RDX: variants seen among roughly 807,000 people sequenced by gnomAD.
RDX encodes the protein deafness, autosomal recessive 24.
RDX carries 32 observed loss-of-function variants against 83.7 expected under a neutral mutation model. The ratio of observed to expected loss-of-function variants is 0.38; its 90% confidence interval spans 0.29 to 0.51. The LOEUF is 0.51. Among genes scored for constraint, RDX ranks in the 20% least tolerant of loss-of-function variants. The pLI is 0.87. For synonymous variants in RDX, 229 were observed against 222.7 expected, an observed-to-expected ratio of 1.03 and a Z score of -0.25; for missense variants, 600 against 689.9, an observed-to-expected ratio of 0.87 and a Z score of 1.46.
At chr11:110,202,879 A>T (rs1363623631) in intron 14 of RDX, among the ~76,000 whole-genome samples, 3 of 152,172 alleles carry the variant, frequency 2.0e-5, no homozygotes, top group African/African-American at 7.2e-5. Flanking sequence ...TAAGACAGGT[A>T]ATAACAAATG....
At chr11:110,221,271 C>G (rs942077041) in intron 14 of RDX, among the ~76,000 whole-genome samples, 1 of 152,122 alleles carries the variant, frequency 6.6e-6, no homozygotes, top group African/African-American at 2.4e-5. Context: ...TGTACCCCCC[C>G]CAAAATACTT....
At chr11:110,181,231 C>T (rs1364795715) in intron 15 of RDX, among the ~76,000 whole-genome samples, 1 of 150,580 alleles carries the variant, frequency 6.6e-6, no homozygotes, top group East Asian at 2.0e-4. Flanking sequence ...GGAGCGAACT[C>T]GACTCACTAC....
At chr11:110,237,752 T>C in intron 10 of RDX, 100 bp from the exon 11 acceptor site, 1 of 1,335,570 alleles carries the variant, frequency 7.5e-7, no homozygotes, top group South Asian at 1.2e-5. Context: ...CTGTTCAATT[T>C]CTAAAAGTTA....
chr11:110,219,524 G>A (rs1425896709), intron 14 of RDX, among the ~76,000 whole-genome samples: 1 of 152,146 alleles, frequency 6.6e-6, no homozygotes, highest in East Asian at 1.9e-4. Flanking sequence ...AATCATCCAG[G>A]CAATCCTGTG....
chr11:110,214,962 G>A (rs1355170547), intron 14 of RDX, among the ~76,000 whole-genome samples: 1 of 142,946 alleles, frequency 7.0e-6, no homozygotes, highest in East Asian at 2.0e-4. Context: ...TGCACAATGT[G>A]CACTTGTACC....
At chr11:110,265,343 C>T (rs1486670509) in intron 3 of RDX, among the ~76,000 whole-genome samples, 1 of 151,880 alleles carries the variant, frequency 6.6e-6, no homozygotes, top group African/African-American at 2.4e-5. Flanking sequence ...CTGCCTGCCT[C>T]GGCCTTCCAA....
intron 1 of RDX, among the ~76,000 whole-genome samples, chr11:110,283,485 G>A (rs1485294810): frequency 1.3e-5 from 2 of 152,030 alleles, no homozygotes; most frequent in African/African-American, 2.4e-5. Context: ...GAAAAAAACA[G>A]AATTATTCTA....
At chr11:110,277,729 T>A (rs562969760) in intron 2 of RDX, among the ~76,000 whole-genome samples, 1 of 152,174 alleles carries the variant, frequency 6.6e-6, no homozygotes, top group Non-Finnish European at 1.5e-5. Flanking sequence ...AAGAACTTTA[T>A]ATGGCAATTA....
intron 15 of RDX, among the ~76,000 whole-genome samples, chr11:110,192,544 A>G (rs1863123060): frequency 6.6e-6 from 1 of 152,262 alleles, no homozygotes; most frequent in Non-Finnish European, 1.5e-5. Flanking sequence ...GAGCTTCTGC[A>G]CAGCAAGAGA....
chr11:110,198,976 T>C lies in RDX; in HGVS notation c.*31+605A>G, dbSNP rs184111325. On this transcript the variant is annotated intron_variant, in intron 15 of 15. Coordinates refer to the RDX transcript ENST00000528498. ...GACTACAGGCATGCACCACCACTCC[T>C]AATTTTTTTTGTATTTTTAGTAGAG... Among the ~76,000 whole-genome samples the C allele has an allele frequency of 3.5e-3, 530 of 152,158 alleles. 5 individuals are homozygous for C. Among genetic ancestry groups the C allele is most frequent in the African/African-American group, 0.012 (516 of 41,524 alleles).
At chr11:110,218,816 A>C (rs918735517) in intron 14 of RDX, among the ~76,000 whole-genome samples, 8 of 152,284 alleles carry the variant, frequency 5.3e-5, no homozygotes, top group Non-Finnish European at 1.2e-4. Flanking sequence ...CTCCCACAGG[A>C]AGCCTTCCCT....
chr11:110,178,474 A>G (rs12272356), intron 15 of RDX, among the ~76,000 whole-genome samples: 152 of 152,312 alleles, frequency 1.0e-3, no homozygotes, highest in Middle Eastern at 3.4e-3. Context: ...TGGCTATTAC[A>G]TCAGTTGGCT....
In RDX at chr11:110,229,996, C is replaced by G. The variant is rs1021970715; in HGVS notation, c.*1873G>C. On this transcript the variant is annotated 3_prime_UTR_variant, in exon 14 of 14. Transcript: ENST00000645495. ...TAGGATTCTGAAGCATGTGCACAAC[C>G]ATGGTACAACAGTCACTTCAAGGTT... 6.6e-6 allele frequency: 1 copy of G among 152,470 alleles called. No individual in the cohort carries two copies. Among genetic ancestry groups the G allele is most frequent in the Non-Finnish European group, 1.5e-5 (1 of 67,956 alleles). The allele number at this position is 152,470 out of a possible 1,614,324, so 9.4% of individuals were successfully genotyped here.
At chr11:110,267,712 C>G (rs565294565) in intron 3 of RDX, among the ~76,000 whole-genome samples, 1 of 151,852 alleles carries the variant, frequency 6.6e-6, no homozygotes, top group South Asian at 2.1e-4. Context: ...ATCTGTGATC[C>G]CAACACTTTA....
chr11:110,290,370 G>C (rs1183575420), intron 1 of RDX, among the ~76,000 whole-genome samples: 3 of 152,010 alleles, frequency 2.0e-5, no homozygotes, highest in African/African-American at 7.2e-5. Context: ...AAAAAAGCCG[G>C]GAGTGGTGGC....
At chr11:110,235,797 T>C (rs559983575) in intron 12 of RDX, among the ~76,000 whole-genome samples, 1 of 152,318 alleles carries the variant, frequency 6.6e-6, no homozygotes, top group East Asian at 1.9e-4. Context: ...CTTCAGTCTC[T>C]AACTATTCCC....
At chr11:110,204,470 A>C (rs1863527104) in intron 14 of RDX, among the ~76,000 whole-genome samples, 1 of 151,526 alleles carries the variant, frequency 6.6e-6, no homozygotes, top group Non-Finnish European at 1.5e-5. Context: ...AGGAATGCTT[A>C]ATATTGTACA....
intron 14 of RDX, among the ~76,000 whole-genome samples, chr11:110,215,942 C>A (rs1421431352): frequency 6.6e-6 from 1 of 152,156 alleles, no homozygotes. Flanking sequence ...AGCCATTTAG[C>A]CCCAGGGTAC....
rs746665669 is a variant in RDX at position 110,253,942 on chromosome 11, A to G, written c.959+4T>C. On this transcript the variant is annotated splice_donor_region_variant and intron_variant, in intron 9 of 13. Transcript: ENST00000645495. ...TTAAAAGTGAAAGGTCATAAACCCCATACCTTTCCAACTGCTTCTGATGTT... is the reference window on the plus strand; with the variant it reads ...TTAAAAGTGAAAGGTCATAAACCCCGTACCTTTCCAACTGCTTCTGATGTT... 1 of 1,613,130 alleles carries G rather than the reference A, an allele frequency of 6.2e-7. No individual in the cohort carries two copies. Among genetic ancestry groups the G allele is most frequent in the Non-Finnish European group, 8.5e-7 (1 of 1,179,468 alleles).
Sources: gnomAD v4.1 joint callset for allele counts (sites outside exome capture counted in the v4.1 genomes callset) on GRCh38, gnomAD v4.1.1 for gene constraint, MANE v1.5 for transcripts, NCBI Gene and HGNC (gene_info 2026-07-23, HGNC 2026-07-21) for gene names.